The following DDX54 variants were observed in gnomAD, a reference collection of about 807,000 sequenced individuals.
The protein encoded by DDX54 is DEAD-box helicase 54.
A neutral mutation model predicts 105.5 loss-of-function variants in DDX54; 67 were observed. The ratio of observed to expected loss-of-function variants is 0.64; its 90% CI spans 0.52 to 0.78. The LOEUF (loss-of-function observed/expected upper bound fraction) is 0.78, where lower values mean the gene tolerates loss of function less well. DDX54 is among the 30% of genes least tolerant of loss of function. The probability of loss-of-function intolerance (pLI) is 0.00; values close to 1 mark genes in which losing one functional copy is unlikely to be tolerated. For missense variants in DDX54, 1,206 were observed against 1,230.5 expected (o/e 0.98, Z 0.30); for synonymous variants, 514 against 509.9 (o/e 1.01, Z -0.11).
Position 113,165,991 on chromosome 12 carries a change from T to C in DDX54, c.1456A>G (p.Ser486Gly). Reference protein sequence around the residue: ...VDGMLGRVPQSVVDEEDSGLQ... With the variant: ...VDGMLGRVPQGVVDEEDSGLQ... The stretch of plus-strand genomic sequence containing the variant: ...CCACTGTCCTCCTCGTCCACCACAC[T>C]CTGTGGCACCCGACCCAGCATGCCA... The change falls in exon 13 of 20, where the codon AGT becomes GGT. Residue 486 changes from serine (S) to glycine (G), a missense_variant. Coordinates refer to ENST00000306014, the MANE Select transcript of DDX54 (RefSeq NM_024072.4). 6.2e-7 allele frequency: 1 copy of C among 1,611,628 alleles called. No homozygotes were observed. The highest frequency in any genetic ancestry group is 1.1e-5 in the South Asian group (1 of 91,070).
At chr12:113,174,545 T>C in intron 10 of DDX54, 95 bp downstream of exon 10, 1 of 1,512,806 alleles carries the variant, frequency 6.6e-7, no homozygotes, top group Non-Finnish European at 8.9e-7. Flanking sequence ...AGGCTCCTGG[T>C]CCGCTCTCGT....
In DDX54 at chr12:113,159,233, T is replaced by C. The variant is rs148312363; in HGVS notation, c.2414-124A>G. 2.3e-5 allele frequency: 25 copies of C among 1,096,314 alleles called. No homozygotes were observed. In the African/African-American group the frequency reaches 3.1e-4, roughly 14 times the overall value. 67.9% of individuals were successfully genotyped at this position (1,096,314 alleles called of 1,614,324 possible). A position where few individuals can be genotyped will look rare whatever the true frequency, so the allele number is the denominator to read the frequency against. On this transcript the variant is annotated intron_variant, in intron 19 of 19. Transcript: ENST00000306014. ...TTCTGTGCTTATTGCTGTGGCCCAG[T>C]GTCTGTACACAGTAGGTGGCTAATA... is the stretch of plus-strand genomic sequence containing the variant.
chr12:113,162,869 G>C (rs1306317893), intron 17 of DDX54, 63 bp downstream of exon 17: 1 of 1,465,960 alleles, frequency 6.8e-7, no homozygotes, highest in Non-Finnish European at 9.1e-7. Flanking sequence ...CCCCAGGCAC[G>C]GAGGAGCAGC....
chr12:113,160,402 TAGCCCTCA>T (rs1952188651), intron 19 of DDX54, among the ~76,000 whole-genome samples: 1 of 152,218 alleles, frequency 6.6e-6, no homozygotes, highest in Non-Finnish European at 1.5e-5. Context: ...GGTTCAGTCA[TAGCCCTCA>T]TAAGGCACCT....
intron 1 of DDX54, among the ~76,000 whole-genome samples, chr12:113,181,871 T>C (rs1021422246): frequency 1.3e-5 from 2 of 151,754 alleles, no homozygotes; most frequent in Admixed American, 1.3e-4. Context: ...ATAGCATTCA[T>C]GGCCAGGCGT....
Position 113,165,869 on chromosome 12 carries a change from G to C in DDX54, c.1578C>G (p.Pro526=). 1 of 1,613,614 alleles carries C rather than the reference G, an allele frequency of 6.2e-7. No homozygotes were observed. Among genetic ancestry groups the C allele is most frequent in the Non-Finnish European group, 8.5e-7 (1 of 1,179,966 alleles). The part of the protein sequence containing the change: ...QQQYVRSRPA[P]SPESIKRAKE... ...TGGCCCTCTTGATGGACTCAGGCGA[G>C]GGCGCCGGGCGTGAGCGCACATACT... The change falls in exon 13 of 20, where the codon CCC becomes CCG. Residue 526 remains proline (P), a synonymous_variant. Coordinates refer to ENST00000306014, the MANE Select transcript of DDX54 (RefSeq NM_024072.4).
At chr12:113,166,972 T>A (rs1246291699) in intron 12 of DDX54, among the ~76,000 whole-genome samples, 5 of 152,210 alleles carry the variant, frequency 3.3e-5, no homozygotes, top group Non-Finnish European at 7.3e-5. Flanking sequence ...GCTTCCTATG[T>A]GTAAGCACTG....
intron 14 of DDX54, 25 bp downstream of exon 14, chr12:113,165,619 G>A (rs369651353): frequency 8.2e-6 from 13 of 1,581,326 alleles, no homozygotes; most frequent in Admixed American, 7.0e-5. Context: ...GACTCAGAGC[G>A]TGGTCTCCAC....
chr12:113,160,558 G>A (rs1299798212), intron 19 of DDX54, among the ~76,000 whole-genome samples: 5 of 152,204 alleles, frequency 3.3e-5, no homozygotes, highest in Admixed American at 2.0e-4. Context: ...GGCTCTGGCA[G>A]ACAGAGCCGG....
intron 5 of DDX54, among the ~76,000 whole-genome samples, chr12:113,177,751 A>T (rs749406312): frequency 3.5e-4 from 53 of 152,208 alleles, no homozygotes; most frequent in Middle Eastern, 3.4e-3. Context: ...GAGGCAGGAG[A>T]CTGGATTCTG....
Position 113,175,021 on chromosome 12 carries a change from C to T in DDX54, c.874+15G>A, listed in dbSNP as rs1448172018. 1 of 1,613,582 alleles carries T rather than the reference C, an allele frequency of 6.2e-7. No homozygotes were observed. The highest frequency in any genetic ancestry group is 8.5e-7 in the Non-Finnish European group (1 of 1,179,858). On this transcript the variant is annotated intron_variant, in intron 8 of 19. Transcript: ENST00000306014. ...CCTGACCCCCAGCCCCCATCTCCAC[C>T]CCCAGCTCACGCACCAGCCCGGGCA...
intron 12 of DDX54, among the ~76,000 whole-genome samples, chr12:113,166,246 G>C (rs1952274464): frequency 6.6e-6 from 1 of 152,226 alleles, no homozygotes; most frequent in Non-Finnish European, 1.5e-5. Flanking sequence ...CGGCCGGCCA[G>C]CTGCCTGCTG....
At chr12:113,173,844 T>C (rs1004755540) in intron 10 of DDX54, among the ~76,000 whole-genome samples, 1 of 152,094 alleles carries the variant, frequency 6.6e-6, no homozygotes, top group Non-Finnish European at 1.5e-5. Context: ...CCGGGGTTCA[T>C]CATATTATTT....
At position 113,174,695 on chromosome 12, in the gene DDX54, T is replaced by C. The variant is rs1307716199; in HGVS notation, c.1013A>G (p.Gln338Arg). ...LHLLHNVVRPQDQTVVFVATK... is the reference protein window; with the variant it reads ...LHLLHNVVRPRDQTVVFVATK... ...GGCCACAAACACCACGGTCTGGTCC[T>C]GGGGCCGCACCACGTTGTGCAGCAG... The change falls in exon 10 of 20, where the codon CAG (glutamine) becomes CGG (arginine). Residue 338 changes from glutamine (Q) to arginine (R), a missense_variant. By Grantham distance (43) the Gln-to-Arg change is conservative. This residue lies in a region of DDX54 where 961 missense variants were observed against 1,019.1 expected (regional missense o/e 0.94). Transcript: ENST00000306014. 9 of 1,609,810 alleles carry C rather than the reference T, an allele frequency of 5.6e-6. No homozygotes were observed. The highest frequency in any genetic ancestry group is 7.7e-6 in the Non-Finnish European group (9 of 1,176,386).
In DDX54 at chr12:113,172,460, G is replaced by A. The variant is rs1251903229; in HGVS notation, c.1172C>T (p.Thr391Ile). The A allele has an allele frequency of 3.7e-6, 6 of 1,614,168 alleles. No homozygotes were observed. The highest frequency in any genetic ancestry group is 5.1e-6 in the Non-Finnish European group (6 of 1,180,066). ...LAKFTLGKCSTLIVTDLAARG... is the reference protein window; with the variant it reads ...LAKFTLGKCSILIVTDLAARG... ...GGCGGCCAGGTCAGTCACAATGAGAGTGGAGCACTTGCCAAGCGTGAATTT... is the reference window on the plus strand; with the variant it reads ...GGCGGCCAGGTCAGTCACAATGAGAATGGAGCACTTGCCAAGCGTGAATTT... The change falls in exon 11 of 20, where the codon ACT becomes ATT. Residue 391 changes from threonine to isoleucine, a missense_variant. Transcript: ENST00000306014.
At chr12:113,178,897 C>A in intron 5 of DDX54, 80 bp downstream of exon 5, 1 of 1,554,892 alleles carries the variant, frequency 6.4e-7, no homozygotes, top group Non-Finnish European at 8.8e-7. Context: ...AGCAACACAG[C>A]TTAAATCGAA....
At chr12:113,169,531 G>T (rs1566096253) in intron 12 of DDX54, among the ~76,000 whole-genome samples, 1 of 152,094 alleles carries the variant, frequency 6.6e-6, no homozygotes, top group Non-Finnish European at 1.5e-5. Flanking sequence ...TGAGGCAAGA[G>T]AATGGCTTGA....
chr12:113,183,399 G>A (rs868196600), intron 1 of DDX54, among the ~76,000 whole-genome samples: 2 of 152,250 alleles, frequency 1.3e-5, no homozygotes, highest in South Asian at 4.1e-4. Flanking sequence ...CTCTACATTT[G>A]TTGAGCACCT....
chr12:113,182,355 T>C (rs1038697370), intron 1 of DDX54, among the ~76,000 whole-genome samples: 1 of 152,132 alleles, frequency 6.6e-6, no homozygotes, highest in African/African-American at 2.4e-5. Context: ...GGTTTTTACT[T>C]TTTAAAGGGT....
Sources: gnomAD v4.1 joint callset for allele counts (sites outside exome capture counted in the v4.1 genomes callset) on GRCh38, gnomAD v4.1.1 for gene constraint, gnomAD v4.1.1 regional missense constraint, MANE v1.5 for transcripts, NCBI Gene and HGNC (gene_info 2026-07-23, HGNC 2026-07-21) for gene names.